Variants in PTPN11 observed in about 807,000 individuals in gnomAD.
PTPN11 encodes the protein protein tyrosine phosphatase non-receptor type 11.
PTPN11 carries 6 observed loss-of-function variants against 78.8 expected under a neutral mutation model. The ratio of observed to expected loss-of-function variants is 0.08; its 90% CI spans 0.04 to 0.15. PTPN11 has a LOEUF of 0.15. PTPN11 is among the 10% of genes least tolerant of loss of function. PTPN11 has a pLI of 1.00. For missense variants in PTPN11, 386 were observed against 744.8 expected (o/e 0.52, Z 5.61); for synonymous variants, 221 against 263.5 (o/e 0.84, Z 1.56).
chr12:112,449,046 C>T lies in PTPN11; in HGVS notation c.138-1272C>T, dbSNP rs143652554. ...AGATTACAGGTGCCTGCCACCACGC[C>T]CAGCTAATTTTTGTATTTTTAGTAG... is the stretch of plus-strand genomic sequence containing the variant. On this transcript the variant is annotated intron_variant, in intron 2 of 15. Coordinates refer to ENST00000351677, the MANE Select transcript of PTPN11 (RefSeq NM_002834.5). Among the ~76,000 whole-genome samples, 90 of 151,888 alleles carry T rather than the reference C, an allele frequency of 5.9e-4. 2 individuals are homozygous for T. The East Asian group carries it at 0.015, about 26-fold the overall frequency.
chr12:112,434,606 C>CA (rs879943475), intron 1 of PTPN11, among the ~76,000 whole-genome samples: 1,519 of 103,440 alleles, frequency 0.015, 18 homozygotes, highest in Admixed American at 0.062. Flanking sequence ...GACTCCGTCT[C>CA]AAAAAAAAAA....
At chr12:112,433,172 AT>A (rs2037739409) in intron 1 of PTPN11, among the ~76,000 whole-genome samples, 1 of 152,162 alleles carries the variant, frequency 6.6e-6, no homozygotes, top group Non-Finnish European at 1.5e-5. Flanking sequence ...CCTGGCCACC[AT>A]TTTTAATCTT....
Position 112,494,912 on chromosome 12 carries a change from A to G in PTPN11, c.1599+5737A>G, listed in dbSNP as rs374893695. On this transcript the variant is annotated intron_variant, in intron 13 of 15. Coordinates refer to ENST00000351677, the MANE Select transcript of PTPN11 (RefSeq NM_002834.5). The stretch of plus-strand genomic sequence containing the variant: ...TTTAAAATAGGGATTGTGAGATGAT[A>G]TTGCCCACGTGTAGGCTAATGTAAG... Among the ~76,000 whole-genome samples, 67 of 152,320 alleles carry G rather than the reference A, an allele frequency of 4.4e-4. 2 individuals carry two copies. The South Asian group carries it at 0.012, about 28-fold the overall frequency.
intron 13 of PTPN11, among the ~76,000 whole-genome samples, chr12:112,500,010 G>A (rs1183569477): frequency 1.3e-5 from 2 of 151,096 alleles, no homozygotes; most frequent in Non-Finnish European, 2.9e-5. Flanking sequence ...TTGGGAGGCC[G>A]AGGCGGGTGG....
intron 1 of PTPN11, among the ~76,000 whole-genome samples, chr12:112,421,366 CT>C (rs964245006): frequency 1.3e-5 from 2 of 152,214 alleles, no homozygotes; most frequent in Non-Finnish European, 2.9e-5. Flanking sequence ...TCTATCACCC[CT>C]GGTAATTTTG....
chr12:112,509,424 T>C lies in PTPN11; in HGVS notation c.*3632T>C, dbSNP rs552940791. The C allele has an allele frequency of 6.5e-6, 1 of 152,794 alleles. No homozygotes were observed. The highest frequency in any genetic ancestry group is 2.4e-5 in the African/African-American group (1 of 41,586). 9.5% of individuals were successfully genotyped at this position (152,794 alleles called of 1,614,324 possible). On this transcript the variant is annotated 3_prime_UTR_variant, in exon 16 of 16. Coordinates refer to ENST00000351677, the MANE Select transcript of PTPN11 (RefSeq NM_002834.5). ...ATAATTTGCCTGTTTATTTATGACC[T>C]AATTGTGATTCTTTTATTAATAAAA...
In PTPN11 at chr12:112,486,675, C is replaced by T. The variant is rs1255590091; in HGVS notation, c.1379+46C>T. ...TCTAGGCCACAGCCTGTCCCTGTCT[C>T]CTAGCGCCCAGGGCTTGCTTTTACC... On this transcript the variant is annotated intron_variant, in intron 11 of 15. Coordinates refer to ENST00000351677, the MANE Select transcript of PTPN11 (RefSeq NM_002834.5). 5 of 1,607,326 alleles carry T rather than the reference C, an allele frequency of 3.1e-6. No homozygotes were observed. The East Asian group carries it at 6.7e-5, about 22-fold the overall frequency.
intron 4 of PTPN11, 36 bp from the exon 5 acceptor site, chr12:112,454,528 T>C: frequency 6.8e-7 from 1 of 1,462,356 alleles, no homozygotes; most frequent in South Asian, 1.1e-5. Context: ...AACATAAAGG[T>C]AACAAATAAT....
chr12:112,508,401 G>C lies in PTPN11; in HGVS notation c.*2609G>C, dbSNP rs148005691. 3.3e-5 allele frequency: 5 copies of C among 152,148 alleles called. No individual in the cohort carries two copies. The highest frequency in any genetic ancestry group is 7.3e-5 in the Non-Finnish European group (5 of 68,050). 9.4% of individuals were successfully genotyped at this position (152,148 alleles called of 1,614,324 possible). A position where few individuals can be genotyped will look rare whatever the true frequency, so the allele number is the denominator to read the frequency against. ...GAGGCTGGGATGATGGAGAAAGCTCGAGGTGAAGTTTTAAAAAAAAAGTTG... is the reference window on the plus strand; with the variant it reads ...GAGGCTGGGATGATGGAGAAAGCTCCAGGTGAAGTTTTAAAAAAAAAGTTG... On this transcript the variant is annotated 3_prime_UTR_variant, in exon 16 of 16. Coordinates refer to ENST00000351677, the MANE Select transcript of PTPN11 (RefSeq NM_002834.5).
At chr12:112,446,543 C>A in intron 2 of PTPN11, 145 bp downstream of exon 2, 1 of 1,140,242 alleles carries the variant, frequency 8.8e-7, no homozygotes, top group Non-Finnish European at 1.3e-6. Flanking sequence ...GGGGAGTGGC[C>A]TCCTGGACAT....
At chr12:112,455,286 A>G (rs1335314407) in intron 5 of PTPN11, among the ~76,000 whole-genome samples, 1 of 124,702 alleles carries the variant, frequency 8.0e-6, no homozygotes, top group Non-Finnish European at 1.6e-5. Context: ...CCCAGGCTGG[A>G]GTGCAGTGGC....
intron 1 of PTPN11, among the ~76,000 whole-genome samples, chr12:112,431,918 C>T (rs1289270334): frequency 6.6e-6 from 1 of 151,712 alleles, no homozygotes; most frequent in Admixed American, 6.6e-5. Context: ...AAAAAAAATA[C>T]CACAGACTAA....
chr12:112,472,616 C>G (rs1241031052), intron 6 of PTPN11, among the ~76,000 whole-genome samples: 1 of 151,264 alleles, frequency 6.6e-6, no homozygotes, highest in Non-Finnish European at 1.5e-5. Flanking sequence ...TCAAGTGATT[C>G]CTGTGTCACC....
chr12:112,443,359 CTT>C (rs546004663), intron 1 of PTPN11, among the ~76,000 whole-genome samples: 25 of 138,460 alleles, frequency 1.8e-4, no homozygotes, highest in Non-Finnish European at 1.7e-4. Context: ...ATGGTTGTAT[CTT>C]TTTTTTTTTT....
chr12:112,463,065 A>C (rs527682603), intron 6 of PTPN11, among the ~76,000 whole-genome samples: 1 of 152,328 alleles, frequency 6.6e-6, no homozygotes, highest in African/African-American at 2.4e-5. Flanking sequence ...ATTTTGGTTA[A>C]ATGTAAAAAA....
intron 6 of PTPN11, among the ~76,000 whole-genome samples, chr12:112,462,840 A>G (rs1383742409): frequency 6.6e-6 from 1 of 152,154 alleles, no homozygotes; most frequent in Non-Finnish European, 1.5e-5. Context: ...GCATTTGGGT[A>G]GTTTCCAAAT....
chr12:112,505,639 A>G (rs1308116564), intron 15 of PTPN11, among the ~76,000 whole-genome samples, 186 bp from the exon 16 acceptor site: 1 of 146,792 alleles, frequency 6.8e-6, no homozygotes, highest in Non-Finnish European at 1.5e-5. Context: ...CTGGGCCACA[A>G]GAGTGAAACT....
Position 112,482,626 on chromosome 12 carries a change from C to T in PTPN11, c.1224+421C>T, listed in dbSNP as rs892378910. Among the ~76,000 whole-genome samples, 1 of 152,144 alleles carries T rather than the reference C, an allele frequency of 6.6e-6. No homozygotes were observed. The highest frequency in any genetic ancestry group is 1.5e-5 in the Non-Finnish European group (1 of 68,032). Reference sequence around the variant, plus strand: ...CCGCAGGGGCCTATGTTGATGGCCTCCTCTCCAAGTATCCACAGACTTCAG... The same window carrying T: ...CCGCAGGGGCCTATGTTGATGGCCTTCTCTCCAAGTATCCACAGACTTCAG... On this transcript the variant is annotated intron_variant, in intron 10 of 15. Coordinates refer to ENST00000351677, the MANE Select transcript of PTPN11 (RefSeq NM_002834.5). This position sits in a 1 kb window ranked among gnomAD's most constrained non-coding sequence, Gnocchi z 4.4.
intron 6 of PTPN11, among the ~76,000 whole-genome samples, chr12:112,464,549 G>C (rs1386018943): frequency 2.6e-5 from 4 of 152,022 alleles, no homozygotes; most frequent in Non-Finnish European, 5.9e-5. Flanking sequence ...CAGCCACCCA[G>C]GTAGCTGGGA....
Sources: allele counts gnomAD v4.1 joint callset (sites outside exome capture counted in the v4.1 genomes callset), GRCh38; gene constraint gnomAD v4.1.1; non-coding constraint Gnocchi (gnomAD v3.1); transcripts MANE v1.5; gene names NCBI Gene and HGNC (gene_info 2026-07-23, HGNC 2026-07-21).